CD44: variants seen among roughly 807,000 people sequenced by gnomAD.
CD44 encodes CD44 molecule (IN blood group), also known as CD44 antigen.
Under a neutral mutation model 88.8 loss-of-function variants are expected in CD44, and 49 were observed. The observed-to-expected ratio is 0.55, with a 90% CI of 0.44 to 0.70. The LOEUF is 0.70. Among genes scored for constraint, CD44 ranks in the 30% least tolerant of loss-of-function variants. The probability of loss-of-function intolerance (pLI) is 0.00; values close to 1 mark genes in which losing one functional copy is unlikely to be tolerated. For missense variants in CD44, 883 were observed against 913.8 expected (o/e 0.97, Z 0.43); for synonymous variants, 325 against 312.3 (o/e 1.04, Z -0.43).
intron 1 of CD44, among the ~76,000 whole-genome samples, chr11:35,146,164 A>T: frequency 6.6e-6 from 1 of 152,162 alleles, no homozygotes; most frequent in East Asian, 1.9e-4. Context: ...GTCCCTGCGA[A>T]GTGCAAGTGT....
intron 16 of CD44, among the ~76,000 whole-genome samples, chr11:35,221,345 A>G (rs976027171): frequency 3.3e-5 from 5 of 152,228 alleles, no homozygotes; most frequent in South Asian, 2.1e-4. Flanking sequence ...TATGTTTAAT[A>G]ATATTATACC....
chr11:35,210,711 T>C (rs1948312285), intron 13 of CD44: 1 of 156,890 alleles, frequency 6.4e-6, no homozygotes, highest in South Asian at 1.9e-4. Context: ...TTCCTCACAA[T>C]AATATTGTTT....
intron 9 of CD44, among the ~76,000 whole-genome samples, chr11:35,204,131 T>C (rs1268991061): frequency 6.6e-6 from 1 of 152,216 alleles, no homozygotes; most frequent in African/African-American, 2.4e-5. Flanking sequence ...TGTTTTCCTT[T>C]CGTCAAAATG....
intron 17 of CD44, among the ~76,000 whole-genome samples, chr11:35,226,880 CTTTTTTT>C (rs367551052): frequency 2.1e-4 from 22 of 106,212 alleles, no homozygotes; most frequent in Admixed American, 1.1e-3. Flanking sequence ...TTCTTTTTTC[CTTTTTTT>C]TTTTTTTTTT....
chr11:35,163,509 A>G (rs353634), intron 1 of CD44, among the ~76,000 whole-genome samples: 120,769 of 152,116 alleles, frequency 0.79, 48,888 homozygotes, highest in African/African-American at 0.95. Flanking sequence ...AAGAACAAAT[A>G]TCCTTCATAG....
chr11:35,189,565 G>C lies in CD44; in HGVS notation c.437-270G>C, dbSNP rs140386172. Among the ~76,000 whole-genome samples, 132 of 152,296 alleles carry C rather than the reference G, an allele frequency of 8.7e-4. 1 individual carries two copies. Among genetic ancestry groups the C allele is most frequent in the Middle Eastern group, 3.4e-3 (1 of 294 alleles). ...TTACAAATGAGGAAACTGAAGCTCA[G>C]AGTTGCCTTGTCCAGAGCTCTATGA... On this transcript the variant is annotated intron_variant, in intron 4 of 17. Transcript: ENST00000428726.
chr11:35,144,570 A>T (rs1398100817), intron 1 of CD44, among the ~76,000 whole-genome samples: 1 of 152,210 alleles, frequency 6.6e-6, no homozygotes, highest in East Asian at 1.9e-4. Context: ...TACCCCCCAC[A>T]GCTGCCCAAC....
chr11:35,186,976 T>A, intron 4 of CD44, 76 bp downstream of exon 4: 1 of 890,502 alleles, frequency 1.1e-6, no homozygotes, highest in East Asian at 2.4e-5. Flanking sequence ...TGTGGTATAT[T>A]TGAATAGAAT....
intron 5 of CD44, 33 bp from the exon 6 acceptor site, chr11:35,196,713 T>C: frequency 2.5e-6 from 4 of 1,607,350 alleles, no homozygotes; most frequent in Non-Finnish European, 3.4e-6. Context: ...TTAATTAATC[T>C]TTCAACAATC....
At chr11:35,206,812 T>C (rs917618813) in intron 11 of CD44, among the ~76,000 whole-genome samples, 1 of 152,192 alleles carries the variant, frequency 6.6e-6, no homozygotes, top group Non-Finnish European at 1.5e-5. Flanking sequence ...GCCATTATGT[T>C]GAGTGACTGA....
intron 3 of CD44, among the ~76,000 whole-genome samples, chr11:35,186,308 A>C (rs1432358811): frequency 6.6e-6 from 1 of 152,204 alleles, no homozygotes; most frequent in Non-Finnish European, 1.5e-5. Context: ...TTTAACCTTC[A>C]GATTGTCATG....
rs983800823 is a variant in CD44, at chr11:35,230,527, T to C, written c.*1194T>C. 4 of 152,242 alleles carry C rather than the reference T, an allele frequency of 2.6e-5. No individual in the cohort carries two copies. The highest frequency in any genetic ancestry group is 5.9e-5 in the Non-Finnish European group (4 of 68,036). The allele number at this position is 152,242 out of a possible 1,614,324, so 9.4% of individuals were successfully genotyped here. On this transcript the variant is annotated 3_prime_UTR_variant, in exon 18 of 18. Coordinates refer to ENST00000428726, the MANE Select transcript of CD44 (RefSeq NM_000610.4). ...AAGGATGATGCCATGTAGATCCTGT[T>C]TGACATTTTTATGGCTGTATTTGTA...
chr11:35,204,018 A>G (rs987247223), intron 9 of CD44, among the ~76,000 whole-genome samples: 2 of 152,222 alleles, frequency 1.3e-5, no homozygotes, highest in East Asian at 3.9e-4. Context: ...CTGCTGGGCA[A>G]ATCCACTGCT....
chr11:35,229,122 T>C lies in CD44; in HGVS notation c.2025-7T>C, dbSNP rs1250706048. On this transcript the variant is annotated splice_region_variant and splice_polypyrimidine_tract_variant and intron_variant, in intron 17 of 17. Coordinates refer to ENST00000428726, the MANE Select transcript of CD44 (RefSeq NM_000610.4). ...TTTCTGATATGGTACATTTTTTAAA[T>C]TATTAGGTGTGGGCAGAAGAAAAAG... is the stretch of plus-strand genomic sequence containing the variant. The C allele has an allele frequency of 3.7e-6, 6 of 1,609,412 alleles. No homozygotes were observed. The Admixed American group carries it at 6.7e-5, about 18-fold the overall frequency.
chr11:35,200,991 A>G (rs1947260304), intron 7 of CD44, 91 bp from the exon 8 acceptor site: 2 of 906,590 alleles, frequency 2.2e-6, no homozygotes, highest in South Asian at 2.6e-5. Flanking sequence ...GATTCATTGC[A>G]TAGCCTACAG....
intron 8 of CD44, 121 bp downstream of exon 8, chr11:35,201,316 T>C (rs1015745610): frequency 4.1e-6 from 3 of 725,138 alleles, no homozygotes; most frequent in Non-Finnish European, 4.9e-6. Context: ...AAATTCTTAG[T>C]GGACTTTTAT....
At chr11:35,181,905 T>TATTATATATTATATCTTATATATA (rs1291148360) in intron 3 of CD44, among the ~76,000 whole-genome samples, 2 of 66,084 alleles carry the variant, frequency 3.0e-5, no homozygotes, top group African/African-American at 7.9e-5. Flanking sequence ...ATATAATATA[T>TATTATATATTATATCTTATATATA]AATATATATT....
At chr11:35,149,599 C>T (rs1859912987) in intron 1 of CD44, among the ~76,000 whole-genome samples, 1 of 152,158 alleles carries the variant, frequency 6.6e-6, no homozygotes, top group African/African-American at 2.4e-5. Context: ...AGTATTTCAC[C>T]CCCATTTACT....
intron 7 of CD44, among the ~76,000 whole-genome samples, chr11:35,198,829 A>G (rs1390748183): frequency 6.6e-6 from 1 of 152,060 alleles, no homozygotes; most frequent in Non-Finnish European, 1.5e-5. Flanking sequence ...AATACAAAAA[A>G]TTAACCAGGC....
Sources: gnomAD v4.1 joint callset for allele counts (sites outside exome capture counted in the v4.1 genomes callset) on GRCh38, gnomAD v4.1.1 for gene constraint, MANE v1.5 for transcripts, NCBI Gene and HGNC (gene_info 2026-07-23, HGNC 2026-07-21) for gene names.